The following PHF10 variants were observed in gnomAD, a reference collection of about 807,000 sequenced individuals.
PHF10 encodes BRG1-associated factor 45a.
PHF10 carries 51 observed loss-of-function variants against 68.5 expected under a neutral mutation model. The observed-to-expected ratio is 0.74, with a 90% confidence interval of 0.59 to 0.94. The LOEUF (loss-of-function observed/expected upper bound fraction) is 0.94, where lower values mean the gene tolerates loss of function less well. Ranked by LOEUF, PHF10 falls within the 40% of genes least tolerant of loss-of-function variation. The probability of loss-of-function intolerance (pLI) is 0.00; values close to 1 mark genes in which losing one functional copy is unlikely to be tolerated. For missense variants in PHF10, 460 were observed against 602.6 expected, an observed-to-expected ratio of 0.76 and a Z score of 2.48; for synonymous variants, 204 against 203.5, an observed-to-expected ratio of 1.00 and a Z score of -0.02.
chr6:169,708,638 G>C (rs1788860938), intron 9 of PHF10: 1 of 152,022 alleles, frequency 6.6e-6, no homozygotes, highest in African/African-American at 2.4e-5. Context: ...TCCTACTTGA[G>C]TACTATTAAG....
chr6:169,723,192 T>A (rs190220044), intron 1 of PHF10, among the ~76,000 whole-genome samples: 1 of 152,262 alleles, frequency 6.6e-6, no homozygotes, highest in Non-Finnish European at 1.5e-5. Context: ...TTTTAAAACA[T>A]CATTCCTCCC....
intron 1 of PHF10, among the ~76,000 whole-genome samples, 155 bp downstream of exon 1, chr6:169,723,690 C>G (rs1789241687): frequency 6.6e-6 from 1 of 151,760 alleles, no homozygotes; most frequent in Non-Finnish European, 1.5e-5. Flanking sequence ...CACCTCGGGG[C>G]CCCGCCTCGC....
chr6:169,706,433 TAAAA>T (rs774347919), intron 9 of PHF10, among the ~76,000 whole-genome samples: 1 of 152,142 alleles, frequency 6.6e-6, no homozygotes, highest in Non-Finnish European at 1.5e-5. Context: ...TGCAGTCACT[TAAAA>T]AATACACGAA....
At chr6:169,713,392 A>T (rs1220864916) in intron 7 of PHF10, among the ~76,000 whole-genome samples, 2 of 152,128 alleles carry the variant, frequency 1.3e-5, no homozygotes, top group Non-Finnish European at 2.9e-5. Context: ...TGAGGTCAGG[A>T]GTTCGAGACC....
At chr6:169,712,351 A>AG (rs1366625029) in intron 8 of PHF10, 35 bp downstream of exon 8, 9 of 1,586,890 alleles carry the variant, frequency 5.7e-6, no homozygotes, top group Non-Finnish European at 7.8e-6. Flanking sequence ...TCAAAGAGAA[A>AG]GGAAATGCTT....
At position 169,705,152 on chromosome 6, in the gene PHF10, G is replaced by A. The variant is rs772473176; in HGVS notation, c.1392C>T (p.Gly464=). ...CTTTACCTGATGGAATAGCACCAAG[G>A]CCCACACAAAAAGTATGATAACCTC... is the stretch of plus-strand genomic sequence containing the variant. The part of the protein sequence containing the change: ...CDRGYHTFCV[G]LGAIPSGRWI... Residue 464 remains glycine, a synonymous_variant, in exon 11 of 12, where the codon GGC becomes GGT. Transcript: ENST00000339209. The A allele has an allele frequency of 2.5e-6, 4 of 1,609,036 alleles. No homozygotes were observed. The highest frequency in any genetic ancestry group is 3.4e-6 in the Non-Finnish European group (4 of 1,177,488).
rs1452909892 is a variant in PHF10, at chr6:169,723,992, C to T, written c.-61G>A. 1 of 382,318 alleles carries T rather than the reference C, an allele frequency of 2.6e-6. No homozygotes were observed. Among genetic ancestry groups the T allele is most frequent in the Non-Finnish European group, 3.5e-6 (1 of 284,040 alleles). The allele number at this position is 382,318 out of a possible 1,614,324, so 23.7% of individuals were successfully genotyped here. ...GCCTCCGCCTTGTCCCGGCCGCCGC[C>T]GCCGCTGCCGCCGCCGCCGCCGCCG... On this transcript the variant is annotated 5_prime_UTR_variant, in exon 1 of 12. Transcript: ENST00000339209.
intron 9 of PHF10, chr6:169,707,135 A>G (rs1340409924): frequency 1.3e-5 from 2 of 152,222 alleles, no homozygotes; most frequent in African/African-American, 4.8e-5. Flanking sequence ...AAAATAATAA[A>G]TATCATGGAA....
At chr6:169,706,122 A>G (rs1403244176) in intron 9 of PHF10, among the ~76,000 whole-genome samples, 1 of 152,206 alleles carries the variant, frequency 6.6e-6, no homozygotes, top group African/African-American at 2.4e-5. Context: ...TAGCTCATAT[A>G]TTAATTTTGT....
intron 6 of PHF10, 141 bp from the exon 7 acceptor site, chr6:169,714,983 C>G (rs375953295): frequency 4.8e-6 from 3 of 629,574 alleles, no homozygotes. Flanking sequence ...GAGCTATAAC[C>G]TAAGAGGACA....
chr6:169,716,184 G>A (rs906276261), intron 4 of PHF10, 96 bp from the exon 5 acceptor site: 8 of 666,016 alleles, frequency 1.2e-5, no homozygotes, highest in Middle Eastern at 2.6e-4. Flanking sequence ...ACCGCTCCAC[G>A]TTGTAATGGT....
chr6:169,722,140 C>A lies in PHF10; in HGVS notation c.88-1029G>T, dbSNP rs142737163. Among the ~76,000 whole-genome samples the A allele has an allele frequency of 6.9e-3, 1,047 of 152,190 alleles. 21 individuals are homozygous for A. The highest frequency in any genetic ancestry group is 0.025 in the African/African-American group (1,017 of 41,500). On this transcript the variant is annotated intron_variant, in intron 1 of 11. Coordinates refer to ENST00000339209, the MANE Select transcript of PHF10 (RefSeq NM_018288.4). ...TAAAAGTACTTAGAACAAGGACTGG[C>A]GAGTTATCTGATAAATATTAGTTAA...
chr6:169,714,205 T>C (rs753044004), intron 7 of PHF10, among the ~76,000 whole-genome samples: 10 of 152,202 alleles, frequency 6.6e-5, no homozygotes, highest in Admixed American at 1.3e-4. Context: ...AGGGTCCATA[T>C]TGGAGCAGCA....
chr6:169,719,955 T>C (rs1789138392), intron 2 of PHF10, among the ~76,000 whole-genome samples: 1 of 149,744 alleles, frequency 6.7e-6, no homozygotes, highest in African/African-American at 2.5e-5. Flanking sequence ...ATAAAATATA[T>C]TTAAAAAGCT....
chr6:169,706,274 T>C (rs185238646), intron 9 of PHF10, among the ~76,000 whole-genome samples: 2 of 152,308 alleles, frequency 1.3e-5, no homozygotes, highest in South Asian at 2.1e-4. Flanking sequence ...CATGCATACA[T>C]TGGCGTGTAC....
At chr6:169,716,515 C>CA (rs1239042172) in intron 4 of PHF10, among the ~76,000 whole-genome samples, 1 of 151,636 alleles carries the variant, frequency 6.6e-6, no homozygotes, top group Non-Finnish European at 1.5e-5. Flanking sequence ...AAAATTTCAC[C>CA]AAAAACATCA....
intron 2 of PHF10, among the ~76,000 whole-genome samples, chr6:169,719,593 A>G (rs1230088161): frequency 2.6e-5 from 4 of 152,198 alleles, no homozygotes; most frequent in African/African-American, 9.7e-5. Context: ...TAACCTTCAA[A>G]AAGAACAGTG....
Position 169,723,998 on chromosome 6 carries a change from T to TGCCGCCGCCGCC in PHF10, c.-79_-68dup, listed in dbSNP as rs1161850118. 9 of 325,816 alleles carry TGCCGCCGCCGCC rather than the reference T, an allele frequency of 2.8e-5. No homozygotes were observed. Among genetic ancestry groups the TGCCGCCGCCGCC allele is most frequent in the African/African-American group, 2.0e-4 (8 of 39,032 alleles). 20.2% of individuals were successfully genotyped at this position (325,816 alleles called of 1,614,324 possible). A position where few individuals can be genotyped will look rare whatever the true frequency, so the allele number is the denominator to read the frequency against. Reference sequence around the variant, plus strand: ...GCCTTGTCCCGGCCGCCGCCGCCGCTGCCGCCGCCGCCGCCGCCGCCGCCG... The same window carrying TGCCGCCGCCGCC: ...GCCTTGTCCCGGCCGCCGCCGCCGCTGCCGCCGCCGCCGCCGCCGCCGCCGCCGCCGCCGCCG... On this transcript the variant is annotated 5_prime_UTR_variant, in exon 1 of 12. Transcript: ENST00000339209.
chr6:169,722,955 C>T (rs544141399), intron 1 of PHF10, among the ~76,000 whole-genome samples: 1 of 152,288 alleles, frequency 6.6e-6, no homozygotes, highest in African/African-American at 2.4e-5. Context: ...CTAGTTACTT[C>T]CATTGACGAC....
Sources: allele counts gnomAD v4.1 joint callset (sites outside exome capture counted in the v4.1 genomes callset), GRCh38; gene constraint gnomAD v4.1.1; transcripts MANE v1.5; gene names NCBI Gene and HGNC (gene_info 2026-07-23, HGNC 2026-07-21).